SYCP1: variants seen among roughly 807,000 people sequenced by gnomAD.
SYCP1 encodes synaptonemal complex protein 1.
SYCP1 carries 64 observed loss-of-function variants against 153.1 expected under a neutral mutation model. That is an observed-to-expected ratio of 0.42 (90% CI 0.34 to 0.51). The LOEUF (loss-of-function observed/expected upper bound fraction) is 0.51. Ranked by LOEUF, SYCP1 falls within the 20% of genes least tolerant of loss-of-function variation. The pLI, the probability that SYCP1 is intolerant of heterozygous loss-of-function variation, is 0.06. For missense variants in SYCP1, 997 were observed against 1,049.0 expected, an observed-to-expected ratio of 0.95 and a Z score of 0.68; for synonymous variants, 384 against 341.8, an observed-to-expected ratio of 1.12 and a Z score of -1.36.
In SYCP1 at chr1:114,944,936, G is replaced by C. The variant is rs865886578; in HGVS notation, c.2108G>C (p.Cys703Ser). The C allele has an allele frequency of 3.7e-6, 6 of 1,605,208 alleles. No homozygotes were observed. The Middle Eastern group carries it at 1.0e-3, about 269-fold the overall frequency. The part of the protein sequence containing the change: ...VKLQKEIDKR[C>S]QHKIAEMVAL... ...TTACAGAAAGAAATTGATAAGCGAT[G>C]TCAACATAAAATAGCTGAAATGGTA... Residue 703 changes from cysteine (C) to serine (S), a missense_variant, in exon 25 of 32, where the codon TGT becomes TCT. Cys to Ser is a moderately radical substitution (Grantham distance 112). This residue lies in a region of SYCP1 where 712 missense variants were observed against 682.9 expected (regional missense o/e 1.04). Coordinates refer to ENST00000369522, the MANE Select transcript of SYCP1 (RefSeq NM_003176.4).
chr1:114,979,376 T>A (rs1224777944), intron 28 of SYCP1, among the ~76,000 whole-genome samples: 1 of 151,794 alleles, frequency 6.6e-6, no homozygotes, highest in Admixed American at 6.6e-5. Flanking sequence ...AATGTTTGTT[T>A]GAAAAATACA....
chr1:114,937,600 G>A (rs1670109342), intron 23 of SYCP1, among the ~76,000 whole-genome samples: 1 of 152,118 alleles, frequency 6.6e-6, no homozygotes, highest in Admixed American at 6.5e-5. Flanking sequence ...CCATCAGAGT[G>A]AACAGGCAAC....
chr1:114,928,700 G>A (rs360592), intron 23 of SYCP1, among the ~76,000 whole-genome samples: 28,293 of 152,102 alleles, frequency 0.19, 3,143 homozygotes, highest in East Asian at 0.45. Flanking sequence ...ACAAAGGACA[G>A]GGGAGTAAAT....
intron 27 of SYCP1, among the ~76,000 whole-genome samples, chr1:114,969,355 G>T (rs1220922709): frequency 3.3e-5 from 5 of 152,190 alleles, no homozygotes; most frequent in African/African-American, 1.2e-4. Flanking sequence ...GAGGAAACTA[G>T]AGAGGTGGTC....
intron 16 of SYCP1, among the ~76,000 whole-genome samples, chr1:114,903,465 A>G (rs1259085558): frequency 6.6e-6 from 1 of 152,240 alleles, no homozygotes; most frequent in Non-Finnish European, 1.5e-5. Flanking sequence ...AAAATACAGC[A>G]TATCAGATAG....
At chr1:114,876,691 TA>T in intron 10 of SYCP1, 45 bp from the exon 11 acceptor site, 1 of 1,017,980 alleles carries the variant, frequency 9.8e-7, no homozygotes, top group South Asian at 2.5e-5. Context: ...AGAAATGTTA[TA>T]AAATTATGTT....
intron 8 of SYCP1, 53 bp downstream of exon 8, chr1:114,860,862 G>T (rs1006931581): frequency 3.8e-6 from 5 of 1,320,400 alleles, no homozygotes; most frequent in Non-Finnish European, 2.1e-6. Context: ...TACTGGTAGA[G>T]GTGGAGAGGG....
intron 23 of SYCP1, among the ~76,000 whole-genome samples, chr1:114,934,704 T>C (rs1485372566): frequency 6.6e-6 from 1 of 151,738 alleles, no homozygotes; most frequent in Non-Finnish European, 1.5e-5. Flanking sequence ...AATAAAGGGG[T>C]GGAGAAAGAT....
At chr1:114,917,308 C>T (rs924302910) in intron 20 of SYCP1, among the ~76,000 whole-genome samples, 10 of 152,106 alleles carry the variant, frequency 6.6e-5, no homozygotes, top group Non-Finnish European at 1.2e-4. Flanking sequence ...TATGCTGTTA[C>T]AAATGACAAG....
At chr1:114,873,293 T>A (rs1451807564) in intron 8 of SYCP1, among the ~76,000 whole-genome samples, 1 of 151,684 alleles carries the variant, frequency 6.6e-6, no homozygotes, top group African/African-American at 2.4e-5. Flanking sequence ...GGGGGAGGAG[T>A]ATTCTATAGA....
At chr1:114,913,290 A>G in intron 19 of SYCP1, 140 bp downstream of exon 19, 3 of 646,400 alleles carry the variant, frequency 4.6e-6, no homozygotes, top group East Asian at 3.0e-5. Context: ...AAATATGCAT[A>G]TTGGTCTTAT....
chr1:114,934,689 A>T (rs1026873151), intron 23 of SYCP1, among the ~76,000 whole-genome samples: 1 of 151,704 alleles, frequency 6.6e-6, no homozygotes, highest in Admixed American at 6.6e-5. Context: ...GACACACAGG[A>T]TCAGAATAAA....
Position 114,904,445 on chromosome 1 carries a change from C to T in SYCP1, c.1321-5952C>T, listed in dbSNP as rs114530673. Among the ~76,000 whole-genome samples, 1,183 of 152,266 alleles carry T rather than the reference C, an allele frequency of 7.8e-3. 20 individuals carry two copies. Among genetic ancestry groups the T allele is most frequent in the African/African-American group, 0.027 (1,138 of 41,556 alleles). On this transcript the variant is annotated intron_variant, in intron 16 of 31. Coordinates refer to ENST00000369522, the MANE Select transcript of SYCP1 (RefSeq NM_003176.4). Reference sequence around the variant, plus strand: ...ATTAGCTTTTCTATACCTTAAAAAACTCTTGCTGAAATTTTTATTGGAATT... The same window carrying T: ...ATTAGCTTTTCTATACCTTAAAAAATTCTTGCTGAAATTTTTATTGGAATT...
chr1:114,856,921 C>CAAAAAAAAA (rs758650224), intron 3 of SYCP1, among the ~76,000 whole-genome samples: 3 of 37,264 alleles, frequency 8.1e-5, no homozygotes, highest in Admixed American at 4.2e-4. Context: ...CCTGTCTGTA[C>CAAAAAAAAA]AAAAAAAAAA....
At chr1:114,907,125 C>T (rs1286568) in intron 16 of SYCP1, among the ~76,000 whole-genome samples, 3,546 of 152,182 alleles carry the variant, frequency 0.023, 56 homozygotes, top group South Asian at 0.034. Flanking sequence ...TCTATTTTAA[C>T]ATATTATTAT....
chr1:114,934,762 T>C (rs1196241979), intron 23 of SYCP1, among the ~76,000 whole-genome samples: 1 of 152,036 alleles, frequency 6.6e-6, no homozygotes, highest in African/African-American at 2.4e-5. Context: ...GCCATCCCAG[T>C]CTCTGATAAA....
intron 8 of SYCP1, among the ~76,000 whole-genome samples, chr1:114,866,894 TC>T (rs1664784432): frequency 6.6e-6 from 1 of 150,614 alleles, no homozygotes; most frequent in African/African-American, 2.4e-5. Context: ...AAGATCTGTG[TC>T]CAGATTCTTT....
At chr1:114,931,964 T>C (rs1012978532) in intron 23 of SYCP1, among the ~76,000 whole-genome samples, 2 of 151,998 alleles carry the variant, frequency 1.3e-5, no homozygotes, top group African/African-American at 4.8e-5. Flanking sequence ...TGGAGAGAAA[T>C]GAAAGTCTTT....
chr1:114,980,781 A>T (rs1329124486), intron 28 of SYCP1, among the ~76,000 whole-genome samples: 1 of 151,904 alleles, frequency 6.6e-6, no homozygotes, highest in South Asian at 2.1e-4. Context: ...ATTTTTAAAA[A>T]TTTAACTTTT....
Sources: allele counts gnomAD v4.1 joint callset (sites outside exome capture counted in the v4.1 genomes callset), GRCh38; gene constraint gnomAD v4.1.1; regional missense constraint gnomAD v4.1.1; transcripts MANE v1.5; gene names NCBI Gene and HGNC (gene_info 2026-07-23, HGNC 2026-07-21).